Variants in CAD observed in about 807,000 individuals in gnomAD.
CAD encodes carbamoyl-phosphate synthetase 2, aspartate transcarbamylase, and dihydroorotase.
In CAD, 81 loss-of-function variants were observed where a neutral mutation model predicts 237.2. The ratio of observed to expected loss-of-function variants is 0.34; its 90% CI spans 0.29 to 0.41. The LOEUF (loss-of-function observed/expected upper bound fraction) is 0.41, where lower values mean the gene tolerates loss of function less well. Among genes scored for constraint, CAD ranks in the 10% least tolerant of loss-of-function variants. The pLI is 1.00. For missense variants in CAD, 2,181 were observed against 2,951.7 expected, an observed-to-expected ratio of 0.74 and a Z score of 6.05; for synonymous variants, 1,196 against 1,162.8, an observed-to-expected ratio of 1.03 and a Z score of -0.58.
chr2:27,234,236 C>T lies in CAD; in HGVS notation c.3618+10C>T, dbSNP rs1345658968. ...GCAGCTCATTGCCAAGGTAATAAGG[C>T]TAAAGGAAAGAACTAAAGGGCCACA... On this transcript the variant is annotated intron_variant, in intron 22 of 43. Coordinates refer to ENST00000264705, the MANE Select transcript of CAD (RefSeq NM_004341.5). 1 of 1,611,518 alleles carries T rather than the reference C, an allele frequency of 6.2e-7. No individual in the cohort carries two copies. The highest frequency in any genetic ancestry group is 8.5e-7 in the Non-Finnish European group (1 of 1,177,622).
At chr2:27,238,721 ACT>A (rs1433308263) in intron 31 of CAD, 89 bp downstream of exon 31, 7 of 1,243,574 alleles carry the variant, frequency 5.6e-6, no homozygotes, top group Non-Finnish European at 7.9e-6. Context: ...AGGCCTCAGG[ACT>A]CTACTAGGAC....
At position 27,222,948 on chromosome 2, in the gene CAD, A is replaced by T. The variant is rs1487065640; in HGVS notation, c.720A>T (p.Leu240Phe). Residue 240 changes from leucine (L) to phenylalanine (F), a missense_variant, in exon 6 of 44, where the codon TTA becomes TTT. Physicochemically the swap from Leu to Phe is conservative, Grantham distance 22. This residue lies in a region of CAD where 314 missense variants were observed against 339.4 expected (regional missense o/e 0.93). Coordinates refer to ENST00000264705, the MANE Select transcript of CAD (RefSeq NM_004341.5). The stretch of plus-strand genomic sequence containing the variant: ...TCGTATCCACACTGAGCCGTGTTTT[A>T]TCTGAGCCTAATCCCCGACCTGTCT... The part of the protein sequence containing the change: ...PSVVSTLSRV[L>F]SEPNPRPVFG... The T allele has an allele frequency of 1.9e-6, 3 of 1,614,044 alleles. No individual in the cohort carries two copies. The highest frequency in any genetic ancestry group is 1.1e-5 in the South Asian group (1 of 91,090).
chr2:27,217,545 C>T lies in CAD; in HGVS notation c.-7C>T. 6.2e-7 allele frequency: 1 copy of T among 1,602,838 alleles called. No homozygotes were observed. Among genetic ancestry groups the T allele is most frequent in the Non-Finnish European group, 8.5e-7 (1 of 1,174,968 alleles). On this transcript the variant is annotated 5_prime_UTR_variant, in exon 1 of 44. Coordinates refer to ENST00000264705, the MANE Select transcript of CAD (RefSeq NM_004341.5). Reference sequence around the variant, plus strand: ...CGTACTCGCCCCCGCCTCTGAGCTCCCTTCCCATGGCGGCCCTAGTGTTGG... The same window carrying T: ...CGTACTCGCCCCCGCCTCTGAGCTCTCTTCCCATGGCGGCCCTAGTGTTGG...
rs544743665 is a variant in CAD, at chr2:27,221,679, C to T, written c.352+332C>T. 2.7e-5 allele frequency among the ~76,000 whole-genome samples: 4 copies of T among 150,172 alleles called. No individual in the cohort carries two copies. The East Asian group carries it at 7.8e-4, about 29-fold the overall frequency. On this transcript the variant is annotated intron_variant, in intron 3 of 43. Coordinates refer to ENST00000264705, the MANE Select transcript of CAD (RefSeq NM_004341.5). ...AAAAGGAATCTTTAAAAAACATGAT[C>T]ATAATAACGTCATACACTAAAAAAA...
In CAD at chr2:27,239,313, C is replaced by T; in HGVS notation, c.5254-18C>T. 1 of 1,610,530 alleles carries T rather than the reference C, an allele frequency of 6.2e-7. No homozygotes were observed. Among genetic ancestry groups the T allele is most frequent in the Non-Finnish European group, 8.5e-7 (1 of 1,177,202 alleles). On this transcript the variant is annotated intron_variant, in intron 32 of 43. Transcript: ENST00000264705. The surrounding 1 kb of genome is among the most constrained non-coding windows in gnomAD (Gnocchi z 4.0). ...TCTGGGGATCCTTTCCCTAGCATAA[C>T]CCATGTCCTCTGGGCAGGTGGATCT...
In CAD at chr2:27,226,653, C is replaced by T. The variant is rs748344709; in HGVS notation, c.2156+4C>T. 38 of 1,613,716 alleles carry T rather than the reference C, an allele frequency of 2.4e-5. No homozygotes were observed. The highest frequency in any genetic ancestry group is 2.9e-5 in the Non-Finnish European group (34 of 1,179,974). On this transcript the variant is annotated splice_donor_region_variant and intron_variant, in intron 14 of 43. Transcript: ENST00000264705. ...GCATCCCTTTGCCTGAGCTCAGGTA[C>T]GAGGATGAGGGAGATATCACAGTGG... is the stretch of plus-strand genomic sequence containing the variant.
intron 42 of CAD, 23 bp from the exon 43 acceptor site, chr2:27,243,175 T>A (rs1394812492): frequency 6.2e-7 from 1 of 1,612,140 alleles, no homozygotes; most frequent in Non-Finnish European, 8.5e-7. Context: ...AAGGCACTAA[T>A]GGGGACCCCA....
At position 27,233,110 on chromosome 2, in the gene CAD, T is replaced by G; in HGVS notation, c.2961T>G (p.Asp987Glu). The G allele has an allele frequency of 6.2e-7, 1 of 1,613,696 alleles. No homozygotes were observed. The highest frequency in any genetic ancestry group is 8.5e-7 in the Non-Finnish European group (1 of 1,179,558). The stretch of plus-strand genomic sequence containing the variant: ...TCAGCACCGACTATGACATGTGTGA[T>G]CGACTCTACTTTGATGAGATCTCTT... ...ETVSTDYDMC[D>E]RLYFDEISFE... Residue 987 changes from aspartate to glutamate, a missense_variant, in exon 19 of 44, where the codon GAT becomes GAG. Coordinates refer to ENST00000264705, the MANE Select transcript of CAD (RefSeq NM_004341.5). This position sits in a 1 kb window ranked among gnomAD's most constrained non-coding sequence, Gnocchi z 6.3.
chr2:27,217,711 CCCG>C (rs1287426462), intron 1 of CAD, 78 bp downstream of exon 1: 1 of 1,436,242 alleles, frequency 7.0e-7, no homozygotes, highest in African/African-American at 1.4e-5. Context: ...CCGTCCAGAC[CCCG>C]CCATTTTCCC....
Position 27,241,489 on chromosome 2 carries a change from T to A in CAD, c.5883+93T>A. On this transcript the variant is annotated intron_variant, in intron 38 of 43. Transcript: ENST00000264705. This position sits in a 1 kb window ranked among gnomAD's most constrained non-coding sequence, Gnocchi z 4.6. ...GCGCAGTGGTCAGAGTGGGTCTTCC[T>A]CCCCCTGCCATCCCGTCCCCTTATG... The A allele has an allele frequency of 8.5e-7, 1 of 1,177,454 alleles. No homozygotes were observed. The allele number at this position is 1,177,454 out of a possible 1,614,324, so 72.9% of individuals were successfully genotyped here. A position where few individuals can be genotyped will look rare whatever the true frequency, so the allele number is the denominator to read the frequency against.
At position 27,232,425 on chromosome 2, in the gene CAD, T is replaced by C; in HGVS notation, c.2646-23T>C. The C allele has an allele frequency of 6.2e-7, 1 of 1,613,854 alleles. No individual in the cohort carries two copies. Among genetic ancestry groups the C allele is most frequent in the Non-Finnish European group, 8.5e-7 (1 of 1,179,934 alleles). ...TGTACCCTACTCTCTGGGCCTGTGT[T>C]TCAGACCCTTTTTCTATTTTAGCAC... On this transcript the variant is annotated intron_variant, in intron 17 of 43. Transcript: ENST00000264705. The surrounding 1 kb of genome is among the most constrained non-coding windows in gnomAD (Gnocchi z 4.1).
rs138025761 is a variant in CAD at position 27,231,477 on chromosome 2, T to C, written c.2297T>C (p.Met766Thr). The C allele has an allele frequency of 7.4e-5, 119 of 1,601,986 alleles. No individual in the cohort carries two copies. Among genetic ancestry groups the C allele is most frequent in the Non-Finnish European group, 1.0e-4 (118 of 1,169,044 alleles). The change falls in exon 16 of 44, where the codon ATG becomes ACG. Residue 766 changes from methionine (M) to threonine (T), a missense_variant. Met to Thr is a moderately conservative substitution (Grantham distance 81, BLOSUM62 -1). Transcript: ENST00000264705. ...GSCMKSVGEV[M>T]GIGRSFEEAF... ...CATTCTGTTCTTCCAGGTGAAGTCA[T>C]GGGCATTGGGCGTTCATTTGAGGAG...
rs750161002 is a variant in CAD, at chr2:27,232,676, C to T, written c.2874C>T (p.Cys958=). 6.2e-7 allele frequency: 1 copy of T among 1,614,220 alleles called. No homozygotes were observed. The highest frequency in any genetic ancestry group is 1.1e-5 in the South Asian group (1 of 91,084). ...SVEFDWCAVG[C]IQQLRKMGYK... Reference sequence around the variant, plus strand: ...AATTTGACTGGTGTGCTGTAGGCTGCATCCAGCAGCTCCGAAAGGTCAGAG... The same window carrying T: ...AATTTGACTGGTGTGCTGTAGGCTGTATCCAGCAGCTCCGAAAGGTCAGAG... Residue 958 remains cysteine, a synonymous_variant, in exon 18 of 44, where the codon TGC becomes TGT. Transcript: ENST00000264705. The surrounding 1 kb of genome is among the most constrained non-coding windows in gnomAD (Gnocchi z 4.1).
rs2148090925 is a variant in CAD, at chr2:27,239,076, G to T, written c.5097G>T (p.Arg1699Ser). 5 of 1,592,648 alleles carry T rather than the reference G, an allele frequency of 3.1e-6. No homozygotes were observed. The highest frequency in any genetic ancestry group is 3.4e-6 in the Non-Finnish European group (4 of 1,170,428). ...CCTTGGAGGAGAAGTGTGGGTCCAG[G>T]CCCCCACCTGGGTTCCCAGGGTTAG... ...PHTLEEKCGS[R>S]PPPGFPGLET... The change falls in exon 32 of 44, where the codon AGG becomes AGT. Residue 1699 changes from arginine (R) to serine (S), a missense_variant. By Grantham distance (110) the Arg-to-Ser change is moderately radical. Around this residue, in one of 12 missense-constraint regions of CAD, gnomAD observed 478 missense variants for 515.0 expected, o/e 0.93. Coordinates refer to ENST00000264705, the MANE Select transcript of CAD (RefSeq NM_004341.5). The surrounding 1 kb of genome is among the most constrained non-coding windows in gnomAD (Gnocchi z 4.0).
chr2:27,228,084 A>G (rs1675529728), intron 15 of CAD, among the ~76,000 whole-genome samples: 1 of 152,244 alleles, frequency 6.6e-6, no homozygotes, highest in Non-Finnish European at 1.5e-5. Flanking sequence ...AGTGTTTTTA[A>G]AACTTTTTTA....
Position 27,236,265 on chromosome 2 carries a change from C to T in CAD, c.4075-19C>T. The T allele has an allele frequency of 6.2e-7, 1 of 1,611,296 alleles. No homozygotes were observed. The highest frequency in any genetic ancestry group is 8.5e-7 in the Non-Finnish European group (1 of 1,178,122). On this transcript the variant is annotated intron_variant, in intron 25 of 43. Coordinates refer to ENST00000264705, the MANE Select transcript of CAD (RefSeq NM_004341.5). The surrounding 1 kb of genome is among the most constrained non-coding windows in gnomAD (Gnocchi z 4.1). ...CGCTGCCAGACAGCTTGGCCCTGAC[C>T]TTGACTCCGGGTTGGCAGGTAACAG... is the stretch of plus-strand genomic sequence containing the variant.
In CAD at chr2:27,232,538, CCAGA is replaced by C; in HGVS notation, c.2739_2742del (p.Thr914IlefsTer5). ...ACACAGTTGCAGCTGAGTGGCCAGC[CCAGA>C]CAAATTACCTATACCTAACGTATTG... On this transcript the variant is annotated frameshift_variant, in exon 18 of 44. Transcript: ENST00000264705. LOFTEE classifies it high-confidence loss of function. The surrounding 1 kb of genome is among the most constrained non-coding windows in gnomAD (Gnocchi z 4.1). The C allele has an allele frequency of 6.2e-7, 1 of 1,614,098 alleles. No individual in the cohort carries two copies. The highest frequency in any genetic ancestry group is 1.3e-5 in the African/African-American group (1 of 75,014).
chr2:27,231,434 C>T, intron 15 of CAD, 34 bp from the exon 16 acceptor site: 1 of 1,280,976 alleles, frequency 7.8e-7, no homozygotes, highest in Non-Finnish European at 1.1e-6. Flanking sequence ...CCTTCCACCT[C>T]CACACCTTCA....
intron 13 of CAD, 52 bp from the exon 14 acceptor site, chr2:27,226,473 C>T (rs1301565982): frequency 3.8e-6 from 6 of 1,595,462 alleles, no homozygotes; most frequent in East Asian, 2.2e-5. Flanking sequence ...TTTCTGAGAC[C>T]TCTCCTAGAC....
Sources: gnomAD v4.1 joint callset for allele counts (sites outside exome capture counted in the v4.1 genomes callset) on GRCh38, gnomAD v4.1.1 for gene constraint, gnomAD v4.1.1 regional missense constraint, Gnocchi (gnomAD v3.1) non-coding constraint, MANE v1.5 for transcripts, NCBI Gene and HGNC (gene_info 2026-07-23, HGNC 2026-07-21) for gene names.